Variants in CRPPA observed in about 807,000 individuals in gnomAD.
CRPPA encodes CDP-L-ribitol pyrophosphorylase A.
Under a neutral mutation model 52.0 loss-of-function variants are expected in CRPPA, and 43 were observed. The observed-to-expected ratio is 0.83, with a 90% CI of 0.65 to 1.07. The LOEUF (loss-of-function observed/expected upper bound fraction) is 1.07. Among genes scored for constraint, CRPPA ranks in the 50% least tolerant of loss-of-function variants. The pLI is 0.00. For synonymous variants in CRPPA, 250 were observed against 203.5 expected, an observed-to-expected ratio of 1.23 and a Z score of -1.94; for missense variants, 629 against 551.7, an observed-to-expected ratio of 1.14 and a Z score of -1.40.
At chr7:16,403,004 A>G (rs1369669957) in intron 2 of CRPPA, among the ~76,000 whole-genome samples, 1 of 152,222 alleles carries the variant, frequency 6.6e-6, no homozygotes, top group Non-Finnish European at 1.5e-5. Context: ...CACATAGGAA[A>G]AATAAATTAT....
At chr7:16,296,315 C>T (rs1323831111) in intron 5 of CRPPA, among the ~76,000 whole-genome samples, 1 of 152,054 alleles carries the variant, frequency 6.6e-6, no homozygotes, top group African/African-American at 2.4e-5. Context: ...AAAGAATATT[C>T]GTTTTTCTCC....
At chr7:16,282,747 A>G (rs949926332) in intron 5 of CRPPA, among the ~76,000 whole-genome samples, 1 of 152,068 alleles carries the variant, frequency 6.6e-6, no homozygotes, top group African/African-American at 2.4e-5. Context: ...TCGAGGTAAA[A>G]TAACATCATA....
intron 9 of CRPPA, among the ~76,000 whole-genome samples, chr7:16,110,097 C>A (rs1231331505): frequency 6.6e-6 from 1 of 151,792 alleles, no homozygotes; most frequent in Non-Finnish European, 1.5e-5. Flanking sequence ...TTGCAAAATA[C>A]AAAATCAGTA....
chr7:16,167,167 C>A (rs1235310916), intron 9 of CRPPA, among the ~76,000 whole-genome samples: 1 of 152,092 alleles, frequency 6.6e-6, no homozygotes, highest in Non-Finnish European at 1.5e-5. Context: ...ATCTCGTGAT[C>A]AGCCTGCCTC....
chr7:16,377,983 A>G (rs893002855), intron 2 of CRPPA, among the ~76,000 whole-genome samples: 4 of 152,188 alleles, frequency 2.6e-5, no homozygotes, highest in Non-Finnish European at 4.4e-5. Context: ...ATAAAAGACC[A>G]GAGTCTTCTA....
chr7:16,273,654 C>T (rs758637065), intron 6 of CRPPA, among the ~76,000 whole-genome samples: 3 of 152,088 alleles, frequency 2.0e-5, no homozygotes, highest in Non-Finnish European at 2.9e-5. Flanking sequence ...TCCCGGACAC[C>T]GAACAAGAAC....
intron 5 of CRPPA, among the ~76,000 whole-genome samples, chr7:16,293,070 A>T (rs1037441315): frequency 6.6e-6 from 1 of 151,932 alleles, no homozygotes; most frequent in Non-Finnish European, 1.5e-5. Context: ...TGTATCAATT[A>T]ATCACCTCTA....
intron 3 of CRPPA, among the ~76,000 whole-genome samples, chr7:16,314,511 A>G (rs920376019): frequency 3.3e-5 from 5 of 152,054 alleles, no homozygotes; most frequent in African/African-American, 9.7e-5. Context: ...TGCCTCCTCA[A>G]CTGAAGTTTT....
At chr7:16,147,408 G>A (rs558902258) in intron 9 of CRPPA, among the ~76,000 whole-genome samples, 21 of 152,122 alleles carry the variant, frequency 1.4e-4, no homozygotes, top group Non-Finnish European at 2.8e-4. Context: ...TCAGTAGCCT[G>A]ATATAATTAT....
chr7:16,114,514 T>C (rs1782329842), intron 9 of CRPPA, among the ~76,000 whole-genome samples: 1 of 152,124 alleles, frequency 6.6e-6, no homozygotes, highest in Admixed American at 6.6e-5. Flanking sequence ...GTATAAAGTT[T>C]ATTTAAAATC....
chr7:16,116,196 G>A (rs926222437), intron 9 of CRPPA, among the ~76,000 whole-genome samples: 1 of 152,284 alleles, frequency 6.6e-6, no homozygotes. Flanking sequence ...TATCAGCAGT[G>A]AGACAGATAT....
intron 9 of CRPPA, among the ~76,000 whole-genome samples, chr7:16,151,136 G>GCT (rs1215983224): frequency 6.6e-6 from 1 of 152,172 alleles, no homozygotes; most frequent in East Asian, 1.9e-4. Flanking sequence ...CTGGTAGACT[G>GCT]ATAAAATGAG....
At chr7:16,158,015 C>T (rs1783221743) in intron 9 of CRPPA, among the ~76,000 whole-genome samples, 2 of 151,772 alleles carry the variant, frequency 1.3e-5, no homozygotes, top group Admixed American at 6.6e-5. Context: ...GCTGGGACTA[C>T]AGGCACGTGC....
Position 16,089,237 on chromosome 7 carries a change from TATATACATATATGTGTGTATGCGTAC to T in CRPPA, c.*2432_*2457del, listed in dbSNP as rs1294476172. Reference sequence around the variant, plus strand: ...ATACATATATGTGTGTATGCGTACGTATATACATATATGTGTGTATGCGTACGTATATACATATATGTGTGTATGCG... The same window carrying T: ...ATACATATATGTGTGTATGCGTACGTGTATATACATATATGTGTGTATGCG... On this transcript the variant is annotated 3_prime_UTR_variant, in exon 10 of 10. Coordinates refer to ENST00000407010, the MANE Select transcript of CRPPA (RefSeq NM_001101426.4). 7 of 382,950 alleles carry T rather than the reference TATATACATATATGTGTGTATGCGTAC, an allele frequency of 1.8e-5. No homozygotes were observed. The highest frequency in any genetic ancestry group is 1.4e-4 in the African/African-American group (7 of 48,384). The allele number at this position is 382,950 out of a possible 1,614,324, so 23.7% of individuals were successfully genotyped here.
chr7:16,099,632 C>T (rs772437938), intron 9 of CRPPA, among the ~76,000 whole-genome samples: 13 of 152,162 alleles, frequency 8.5e-5, no homozygotes, highest in Non-Finnish European at 1.5e-4. Context: ...AACTACAGTG[C>T]TCAGAGCCAG....
At chr7:16,290,422 C>T (rs966553787) in intron 5 of CRPPA, among the ~76,000 whole-genome samples, 1 of 151,754 alleles carries the variant, frequency 6.6e-6, no homozygotes, top group African/African-American at 2.4e-5. Flanking sequence ...CTATAGTAAC[C>T]AAAACAGTAC....
At position 16,278,114 on chromosome 7, in the gene CRPPA, T is replaced by C; in HGVS notation, c.933+15A>G. 7.5e-7 allele frequency: 1 copy of C among 1,337,896 alleles called. No homozygotes were observed. The highest frequency in any genetic ancestry group is 1.9e-5 in the Admixed American group (1 of 51,868). The allele number at this position is 1,337,896 out of a possible 1,614,324, so 82.9% of individuals were successfully genotyped here. A position where few individuals can be genotyped will look rare whatever the true frequency, so the allele number is the denominator to read the frequency against. On this transcript the variant is annotated intron_variant, in intron 6 of 9. Coordinates refer to ENST00000407010, the MANE Select transcript of CRPPA (RefSeq NM_001101426.4). The stretch of plus-strand genomic sequence containing the variant: ...GGCAATCAAAGTTTATCAAACTCAG[T>C]CTTTGAATACTTACATTTAATTCAC...
At chr7:16,317,439 T>C (rs1785166017) in intron 3 of CRPPA, among the ~76,000 whole-genome samples, 1 of 152,182 alleles carries the variant, frequency 6.6e-6, no homozygotes, top group Non-Finnish European at 1.5e-5. Flanking sequence ...TAACATCTGA[T>C]GGTTGTGTAG....
intron 4 of CRPPA, among the ~76,000 whole-genome samples, chr7:16,307,503 G>A (rs1045097264): frequency 6.6e-6 from 1 of 151,708 alleles, no homozygotes; most frequent in African/African-American, 2.4e-5. Context: ...CCAACATGGT[G>A]AAACCCCGTC....
Sources: allele counts gnomAD v4.1 joint callset (sites outside exome capture counted in the v4.1 genomes callset), GRCh38; gene constraint gnomAD v4.1.1; transcripts MANE v1.5; gene names NCBI Gene and HGNC (gene_info 2026-07-23, HGNC 2026-07-21).